Variants in GALNTL6 observed in about 807,000 individuals in gnomAD.
GALNTL6 encodes polypeptide N-acetylgalactosaminyltransferase-like 6.
Under a neutral mutation model 73.7 loss-of-function variants are expected in GALNTL6, and 46 were observed. The ratio of observed to expected loss-of-function variants is 0.62; its 90% confidence interval spans 0.49 to 0.80. GALNTL6 has a LOEUF of 0.80. Among genes scored for constraint, GALNTL6 ranks in the 30% least tolerant of loss-of-function variants. GALNTL6 has a pLI of 0.00. For synonymous variants in GALNTL6, 259 were observed against 263.7 expected (o/e 0.98, Z 0.17); for missense variants, 604 against 755.0 (o/e 0.80, Z 2.34).
At chr4:171,825,301 C>T (rs575905174) in intron 2 of GALNTL6, among the ~76,000 whole-genome samples, 2 of 152,202 alleles carry the variant, frequency 1.3e-5, no homozygotes, top group East Asian at 1.9e-4. Flanking sequence ...TGCTTTCTCA[C>T]GCCCTCTTCT....
At chr4:172,251,055 C>T (rs541560605) in intron 3 of GALNTL6, among the ~76,000 whole-genome samples, 1 of 151,970 alleles carries the variant, frequency 6.6e-6, no homozygotes, top group Non-Finnish European at 1.5e-5. Context: ...AAAATAAAAT[C>T]AACAGGATGT....
intron 2 of GALNTL6, chr4:172,052,342 A>T (rs749766779): frequency 1.7e-5 from 13 of 746,992 alleles, no homozygotes; most frequent in Non-Finnish European, 2.8e-5. Context: ...TTATTTAGAG[A>T]TGGGCTTGAA....
chr4:171,961,300 A>T (rs537788678), intron 2 of GALNTL6, among the ~76,000 whole-genome samples: 1 of 152,284 alleles, frequency 6.6e-6, no homozygotes, highest in African/African-American at 2.4e-5. Flanking sequence ...AGGGTTCCTG[A>T]CCTGTGGAAA....
At chr4:172,463,177 T>C (rs1192163414) in intron 5 of GALNTL6, among the ~76,000 whole-genome samples, 1 of 152,062 alleles carries the variant, frequency 6.6e-6, no homozygotes, top group Non-Finnish European at 1.5e-5. Flanking sequence ...CAGTTATTGA[T>C]TGAAGTGGAA....
At chr4:172,935,983 G>A (rs971633488) in intron 9 of GALNTL6, among the ~76,000 whole-genome samples, 2 of 152,132 alleles carry the variant, frequency 1.3e-5, no homozygotes, top group Non-Finnish European at 2.9e-5. Flanking sequence ...CACAAAAAAA[G>A]AAACTTTCTG....
At chr4:172,348,055 A>G (rs1741811827) in intron 4 of GALNTL6, among the ~76,000 whole-genome samples, 1 of 152,160 alleles carries the variant, frequency 6.6e-6, no homozygotes, top group African/African-American at 2.4e-5. Flanking sequence ...TTTTCCCTTC[A>G]GGCTTTAAAT....
rs563672936 is a variant in GALNTL6, at chr4:172,421,653, ACT to A, written c.553+72967_553+72968del. ...TATATAAGCAATAAAACTTTAAATA[ACT>A]CTACATAAGAAATGTTCTTTCAAAA... On this transcript the variant is annotated intron_variant, in intron 5 of 12. Coordinates refer to ENST00000506823, the MANE Select transcript of GALNTL6 (RefSeq NM_001034845.3). 4.2e-4 allele frequency among the ~76,000 whole-genome samples: 64 copies of A among 152,174 alleles called. No homozygotes were observed. The East Asian group carries it at 8.5e-3, about 20-fold the overall frequency.
At chr4:172,226,022 AT>A (rs1420348487) in intron 2 of GALNTL6, among the ~76,000 whole-genome samples, 1 of 152,130 alleles carries the variant, frequency 6.6e-6, no homozygotes, top group Non-Finnish European at 1.5e-5. Context: ...ATGCCTAAGA[AT>A]TTTTATTTGG....
chr4:172,312,651 A>C (rs1740403369), intron 4 of GALNTL6, among the ~76,000 whole-genome samples: 1 of 152,224 alleles, frequency 6.6e-6, no homozygotes, highest in African/African-American at 2.4e-5. Flanking sequence ...AATAAGAATC[A>C]GAAATCTAAA....
chr4:171,990,310 T>G (rs926900880), intron 2 of GALNTL6, among the ~76,000 whole-genome samples: 3 of 152,208 alleles, frequency 2.0e-5, no homozygotes, highest in Admixed American at 6.5e-5. Context: ...ATTCACTTAT[T>G]TTTTTCAATA....
At chr4:172,599,154 T>A (rs2111018848) in intron 5 of GALNTL6, among the ~76,000 whole-genome samples, 1 of 152,282 alleles carries the variant, frequency 6.6e-6, no homozygotes, top group African/African-American at 2.4e-5. Context: ...CTTAATCCTG[T>A]GTACATCAAA....
intron 4 of GALNTL6, among the ~76,000 whole-genome samples, chr4:172,347,955 A>T (rs944318188): frequency 2.0e-5 from 3 of 152,004 alleles, no homozygotes; most frequent in African/African-American, 7.2e-5. Context: ...CTTGATTTGG[A>T]TCTTAATTTA....
chr4:172,095,834 C>A (rs1163914764), intron 2 of GALNTL6, among the ~76,000 whole-genome samples: 1 of 151,294 alleles, frequency 6.6e-6, no homozygotes, highest in African/African-American at 2.4e-5. Flanking sequence ...TTTTCCCCAC[C>A]TAGAATTATT....
chr4:172,785,680 G>C (rs10866365), intron 5 of GALNTL6, among the ~76,000 whole-genome samples: 72,605 of 151,972 alleles, frequency 0.48, 18,709 homozygotes, highest in East Asian at 0.72. Flanking sequence ...AGAGTGATGG[G>C]GAGATGGGGG....
intron 2 of GALNTL6, among the ~76,000 whole-genome samples, chr4:171,972,727 C>T (rs1415752120): frequency 6.6e-6 from 1 of 151,848 alleles, no homozygotes; most frequent in Admixed American, 6.6e-5. Context: ...ATTAAAATTG[C>T]TATCTATTAA....
chr4:172,097,103 C>T (rs74828934), intron 2 of GALNTL6, among the ~76,000 whole-genome samples: 5,773 of 152,118 alleles, frequency 0.038, 374 homozygotes, highest in African/African-American at 0.13. Context: ...AGGAGTGGTC[C>T]TTACTGGGAA....
intron 5 of GALNTL6, among the ~76,000 whole-genome samples, chr4:172,439,687 T>A (rs1731760422): frequency 6.6e-6 from 1 of 152,012 alleles, no homozygotes; most frequent in Non-Finnish European, 1.5e-5. Flanking sequence ...TATCTACACC[T>A]CCATCTGGAT....
At chr4:172,993,852 G>A (rs182012891) in intron 10 of GALNTL6, among the ~76,000 whole-genome samples, 76 of 152,276 alleles carry the variant, frequency 5.0e-4, no homozygotes, top group African/African-American at 1.5e-3. Flanking sequence ...AACCCAGGAG[G>A]CGGAGGTTGC....
intron 7 of GALNTL6, among the ~76,000 whole-genome samples, chr4:172,824,373 TGTGA>T (rs367782575): frequency 1.2e-5 from 1 of 85,158 alleles, no homozygotes; most frequent in African/African-American, 1.0e-4. Flanking sequence ...TGTGTGTGTG[TGTGA>T]GTGTGTGTGT....
Sources: allele counts gnomAD v4.1 joint callset (sites outside exome capture counted in the v4.1 genomes callset), GRCh38; gene constraint gnomAD v4.1.1; transcripts MANE v1.5; gene names NCBI Gene and HGNC (gene_info 2026-07-23, HGNC 2026-07-21).